APP: variants seen among roughly 807,000 people sequenced by gnomAD.
The protein encoded by APP is amyloid beta precursor protein, also known as amyloid-beta precursor protein.
APP carries 31 observed loss-of-function variants against 101.4 expected under a neutral mutation model. The ratio of observed to expected loss-of-function variants is 0.31; its 90% CI spans 0.23 to 0.41. The LOEUF (loss-of-function observed/expected upper bound fraction) is 0.41, where lower values mean the gene tolerates loss of function less well. APP is among the 10% of genes least tolerant of loss of function. The probability of loss-of-function intolerance (pLI) is 1.00; values close to 1 mark genes in which losing one functional copy is unlikely to be tolerated. For missense variants in APP, 839 were observed against 1,003.7 expected, an observed-to-expected ratio of 0.84 and a Z score of 2.22; for synonymous variants, 366 against 364.4, an observed-to-expected ratio of 1.00 and a Z score of -0.05.
At chr21:26,038,370 GATT>G (rs1468812415) in intron 5 of APP, among the ~76,000 whole-genome samples, 2 of 152,140 alleles carry the variant, frequency 1.3e-5, no homozygotes, top group Non-Finnish European at 2.9e-5. Context: ...TAATAGCCAT[GATT>G]ATCAAACCAG....
At chr21:26,103,670 C>T (rs2062115393) in intron 2 of APP, among the ~76,000 whole-genome samples, 1 of 152,220 alleles carries the variant, frequency 6.6e-6, no homozygotes, top group Non-Finnish European at 1.5e-5. Flanking sequence ...AAAGTATAGG[C>T]TCCATTTTAT....
chr21:26,102,414 A>G (rs930509735), intron 2 of APP, among the ~76,000 whole-genome samples: 1 of 152,020 alleles, frequency 6.6e-6, no homozygotes, highest in African/African-American at 2.4e-5. Flanking sequence ...AAAAAATTTC[A>G]TTTCATCCCA....
At chr21:26,091,972 A>T (rs1397328322) in intron 2 of APP, among the ~76,000 whole-genome samples, 1 of 152,178 alleles carries the variant, frequency 6.6e-6, no homozygotes, top group Admixed American at 6.5e-5. Flanking sequence ...TGTCCATGAC[A>T]TTCAGAGGGC....
In APP at chr21:25,990,134, C is replaced by T. The variant is rs56664901; in HGVS notation, c.1090+7226G>A. Among the ~76,000 whole-genome samples, 171 of 152,318 alleles carry T rather than the reference C, an allele frequency of 1.1e-3. 3 individuals are homozygous for T. In the East Asian group the frequency reaches 0.027, roughly 24 times the overall value. ...AAGAAAAAACAAAGGCATTCTCCCC[C>T]TAATATGCCCTTGTATTACAATTTT... On this transcript the variant is annotated intron_variant, in intron 8 of 17. Coordinates refer to ENST00000346798, the MANE Select transcript of APP (RefSeq NM_000484.4).
At chr21:25,916,632 ATTACAACAC>A (rs992524684) in intron 13 of APP, among the ~76,000 whole-genome samples, 8 of 152,174 alleles carry the variant, frequency 5.3e-5, no homozygotes, top group African/African-American at 1.9e-4. Flanking sequence ...TTAATACTTA[ATTACAACAC>A]TCTGATGGCC....
intron 1 of APP, among the ~76,000 whole-genome samples, chr21:26,131,480 A>G (rs1016620123): frequency 6.6e-6 from 1 of 152,188 alleles, no homozygotes; most frequent in Non-Finnish European, 1.5e-5. Flanking sequence ...CTTTTTACTA[A>G]GCCAAAACAA....
intron 1 of APP, among the ~76,000 whole-genome samples, chr21:26,166,059 T>C (rs1214876191): frequency 1.3e-5 from 2 of 152,170 alleles, no homozygotes; most frequent in East Asian, 1.9e-4. Flanking sequence ...GCCAAACTTT[T>C]TTTTCCAAGA....
At chr21:25,906,344 G>A (rs541609514) in intron 14 of APP, among the ~76,000 whole-genome samples, 3 of 150,170 alleles carry the variant, frequency 2.0e-5, no homozygotes, top group African/African-American at 7.4e-5. Context: ...CCAGGCCTGG[G>A]CCCAACATTT....
At chr21:26,078,783 C>T (rs554334868) in intron 3 of APP, among the ~76,000 whole-genome samples, 26 of 152,272 alleles carry the variant, frequency 1.7e-4, no homozygotes, top group African/African-American at 6.3e-4. Context: ...TGGTGGCTCA[C>T]GCCTGTAATC....
intron 8 of APP, among the ~76,000 whole-genome samples, chr21:25,988,450 C>T (rs577918407): frequency 1.4e-3 from 218 of 152,190 alleles, no homozygotes; most frequent in African/African-American, 5.1e-3. Context: ...GCCTGTAATC[C>T]CAGCACTTTG....
chr21:26,057,694 C>G (rs181389013), intron 3 of APP, among the ~76,000 whole-genome samples: 56 of 152,262 alleles, frequency 3.7e-4, no homozygotes, highest in Middle Eastern at 3.4e-3. Flanking sequence ...AGGAAAAGAG[C>G]TCAGGTCAAG....
At chr21:25,920,013 A>G (rs1452815955) in intron 13 of APP, among the ~76,000 whole-genome samples, 1 of 116,270 alleles carries the variant, frequency 8.6e-6, no homozygotes, top group Non-Finnish European at 1.8e-5. Flanking sequence ...AGCCCATCAG[A>G]CTAACAGCGG....
intron 15 of APP, among the ~76,000 whole-genome samples, chr21:25,900,350 T>G (rs1465664205): frequency 9.1e-6 from 1 of 110,034 alleles, no homozygotes; most frequent in South Asian, 3.0e-4. Flanking sequence ...CTGGTCAACA[T>G]GGTGAAACCC....
At chr21:25,923,454 TG>T (rs934901164) in intron 13 of APP, among the ~76,000 whole-genome samples, 1 of 121,798 alleles carries the variant, frequency 8.2e-6, no homozygotes. Flanking sequence ...ACCTACAACA[TG>T]GGAGAAAATT....
At chr21:25,997,466 G>A (rs746116979) in intron 7 of APP, 50 bp from the exon 8 acceptor site, 1 of 1,494,280 alleles carries the variant, frequency 6.7e-7, no homozygotes, top group East Asian at 2.3e-5. Context: ...AGAAACATGG[G>A]AATGATGGCT....
intron 1 of APP, among the ~76,000 whole-genome samples, chr21:26,126,735 G>A (rs1215594944): frequency 6.6e-6 from 1 of 151,902 alleles, no homozygotes. Flanking sequence ...ACAATTATTT[G>A]GCTCAAAATG....
chr21:26,162,678 A>G (rs2063515986), intron 1 of APP, among the ~76,000 whole-genome samples: 1 of 151,632 alleles, frequency 6.6e-6, no homozygotes, highest in Non-Finnish European at 1.5e-5. Context: ...TTAGCAAAGC[A>G]GCAAGAGTAA....
At chr21:25,912,320 A>G (rs1401422978) in intron 13 of APP, among the ~76,000 whole-genome samples, 1 of 152,190 alleles carries the variant, frequency 6.6e-6, no homozygotes, top group Admixed American at 6.5e-5. Flanking sequence ...GTATACAATG[A>G]TCGCACAGGA....
chr21:25,988,361 G>C (rs1324580449), intron 8 of APP, among the ~76,000 whole-genome samples: 1 of 152,156 alleles, frequency 6.6e-6, no homozygotes, highest in African/African-American at 2.4e-5. Flanking sequence ...TTTGTTGAAG[G>C]ATCACTCTGG....
Sources: gnomAD v4.1 joint callset for allele counts (sites outside exome capture counted in the v4.1 genomes callset) on GRCh38, gnomAD v4.1.1 for gene constraint, MANE v1.5 for transcripts, NCBI Gene and HGNC (gene_info 2026-07-23, HGNC 2026-07-21) for gene names.